Variants in PFKL observed in about 807,000 individuals in gnomAD.
The protein encoded by PFKL is phosphofructokinase, liver type.
A neutral mutation model predicts 92.1 loss-of-function variants in PFKL; 74 were observed. The observed-to-expected ratio is 0.80, with a 90% CI of 0.67 to 0.97. The LOEUF is 0.97. Among genes scored for constraint, PFKL ranks in the 50% least tolerant of loss-of-function variants. The probability of loss-of-function intolerance (pLI) is 0.00; values close to 1 mark genes in which losing one functional copy is unlikely to be tolerated. For missense variants in PFKL, 1,028 were observed against 1,116.6 expected, an observed-to-expected ratio of 0.92 and a Z score of 1.13; for synonymous variants, 494 against 456.4, an observed-to-expected ratio of 1.08 and a Z score of -1.05.
intron 1 of PFKL, chr21:44,305,327 C>G: frequency 7.3e-7 from 1 of 1,365,838 alleles, no homozygotes; most frequent in Non-Finnish European, 9.8e-7. Context: ...GGATGAGAAG[C>G]ATGTGTAACC....
rs753616208 is a variant in PFKL at position 44,323,737 on chromosome 21, C to T, written c.1498-29C>T. On this transcript the variant is annotated intron_variant, in intron 15 of 21. Transcript: ENST00000349048. ...GGCCCACCCTGGCCTCGGTGCTGCC[C>T]TTGACCTGCCCCGTCCCTACTGCTG... is the stretch of plus-strand genomic sequence containing the variant. 2.1e-5 allele frequency: 33 copies of T among 1,597,298 alleles called. No individual in the cohort carries two copies. In the South Asian group the frequency reaches 3.7e-4, roughly 18 times the overall value.
chr21:44,311,577 C>T (rs2047049449), intron 3 of PFKL, among the ~76,000 whole-genome samples: 1 of 152,248 alleles, frequency 6.6e-6, no homozygotes, highest in Non-Finnish European at 1.5e-5. Context: ...TTCAGGCCGA[C>T]CCTGTCATCT....
intron 1 of PFKL, chr21:44,305,240 C>A: frequency 1.5e-6 from 2 of 1,303,640 alleles, no homozygotes; most frequent in Non-Finnish European, 2.0e-6. Flanking sequence ...GTGTGCCGAT[C>A]CCTGGGGTTT....
intron 1 of PFKL, among the ~76,000 whole-genome samples, chr21:44,300,990 G>A (rs751315541): frequency 3.3e-5 from 5 of 152,200 alleles, no homozygotes; most frequent in Non-Finnish European, 7.3e-5. Flanking sequence ...GAGGATTTAG[G>A]AGACCAGAAG....
intron 2 of PFKL, among the ~76,000 whole-genome samples, chr21:44,309,203 C>T (rs889301411): frequency 3.9e-5 from 6 of 152,064 alleles, no homozygotes; most frequent in Non-Finnish European, 7.4e-5. Flanking sequence ...GCAGGGAGAC[C>T]GATCCCTTCT....
intron 4 of PFKL, 86 bp from the exon 5 acceptor site, chr21:44,312,892 G>T (rs2047087886): frequency 3.5e-6 from 5 of 1,438,450 alleles, no homozygotes; most frequent in Non-Finnish European, 4.8e-6. Context: ...TGGGATGCGG[G>T]GGAAGGGGTG....
At chr21:44,324,312 C>T in intron 16 of PFKL, 179 bp from the exon 17 acceptor site, 1 of 642,712 alleles carries the variant, frequency 1.6e-6, no homozygotes, top group South Asian at 1.9e-5. Context: ...TGGTTGAGAA[C>T]CCCTGGTCCT....
chr21:44,323,132 C>G (rs984273932), intron 15 of PFKL, 83 bp downstream of exon 15: 45 of 1,194,406 alleles, frequency 3.8e-5, no homozygotes, highest in Non-Finnish European at 4.8e-5. Flanking sequence ...ATCCTGAAAA[C>G]CCGTGTGCTG....
intron 1 of PFKL, chr21:44,304,224 G>A (rs1470989070): frequency 7.8e-7 from 1 of 1,288,766 alleles, no homozygotes; most frequent in African/African-American, 1.5e-5. Flanking sequence ...ATTTGGAAGT[G>A]AGGGGTACCC....
At chr21:44,318,888 G>T (rs2047283279) in intron 10 of PFKL, among the ~76,000 whole-genome samples, 1 of 152,234 alleles carries the variant, frequency 6.6e-6, no homozygotes, top group African/African-American at 2.4e-5. Context: ...AGTGGTGGGA[G>T]TTGGGGTTAC....
chr21:44,319,620 G>A (rs952981308), intron 11 of PFKL: 8 of 600,318 alleles, frequency 1.3e-5, no homozygotes, highest in African/African-American at 5.6e-5. Context: ...GCGGTGGCAC[G>A]GGCAGGGCCC....
chr21:44,322,003 G>A (rs1288750868), intron 13 of PFKL, 128 bp downstream of exon 13: 16 of 1,433,346 alleles, frequency 1.1e-5, no homozygotes, highest in Admixed American at 2.3e-5. Context: ...GTGCCCACCC[G>A]GGCCTGGGTA....
At chr21:44,322,898 A>G in intron 14 of PFKL, 64 bp from the exon 15 acceptor site, 1 of 1,191,578 alleles carries the variant, frequency 8.4e-7, no homozygotes. Context: ...TTCTGTGATC[A>G]GATGCAATCT....
intron 1 of PFKL, chr21:44,305,180 T>C: frequency 3.4e-6 from 4 of 1,159,486 alleles, no homozygotes; most frequent in Non-Finnish European, 3.4e-6. Flanking sequence ...CTCATTGGAT[T>C]CCTGTAGTGT....
At chr21:44,323,286 T>C (rs1222629656) in intron 15 of PFKL, among the ~76,000 whole-genome samples, 1 of 152,024 alleles carries the variant, frequency 6.6e-6, no homozygotes, top group Non-Finnish European at 1.5e-5. Flanking sequence ...GGAGGGTTCT[T>C]TACTTTCTCC....
intron 3 of PFKL, 115 bp from the exon 4 acceptor site, chr21:44,311,990 C>A: frequency 1.2e-6 from 1 of 814,186 alleles, no homozygotes; most frequent in Non-Finnish European, 1.8e-6. Context: ...TTCTGCCTCT[C>A]ACTCTGCAGG....
chr21:44,300,062 C>G lies in PFKL; in HGVS notation c.-44C>G. On this transcript the variant is annotated 5_prime_UTR_variant, in exon 1 of 22. Coordinates refer to ENST00000349048, the MANE Select transcript of PFKL (RefSeq NM_002626.6). Reference sequence around the variant, plus strand: ...GCGGGGCGGGGACGGCGACGCGGCGCAGGCGGCGGGAGTGCGAGCTGGGCC... The same window carrying G: ...GCGGGGCGGGGACGGCGACGCGGCGGAGGCGGCGGGAGTGCGAGCTGGGCC... The G allele has an allele frequency of 1.1e-6, 1 of 939,158 alleles. No individual in the cohort carries two copies. The highest frequency in any genetic ancestry group is 1.3e-6 in the Non-Finnish European group (1 of 781,752). The allele number at this position is 939,158 out of a possible 1,614,324, so 58.2% of individuals were successfully genotyped here.
intron 21 of PFKL, 51 bp downstream of exon 21, chr21:44,326,315 A>G (rs751864249): frequency 2.9e-6 from 4 of 1,386,688 alleles, no homozygotes; most frequent in East Asian, 2.4e-5. Context: ...GGGGTGGCCC[A>G]GACCTTCCCT....
chr21:44,302,747 TC>T (rs1473553536), intron 1 of PFKL, among the ~76,000 whole-genome samples: 1 of 152,154 alleles, frequency 6.6e-6, no homozygotes, highest in Admixed American at 6.5e-5. Flanking sequence ...GGCCTTGATT[TC>T]CCCTTCTGTG....
Sources: gnomAD v4.1 joint callset for allele counts (sites outside exome capture counted in the v4.1 genomes callset) on GRCh38, gnomAD v4.1.1 for gene constraint, MANE v1.5 for transcripts, NCBI Gene and HGNC (gene_info 2026-07-23, HGNC 2026-07-21) for gene names.